SGSM3: variants seen among roughly 807,000 people sequenced by gnomAD.
SGSM3 encodes RUN and SH3 containing 3.
Under a neutral mutation model 100.5 loss-of-function variants are expected in SGSM3, and 96 were observed. The observed-to-expected ratio is 0.96, with a 90% CI of 0.81 to 1.13. The LOEUF (loss-of-function observed/expected upper bound fraction) is 1.13. Among genes scored for constraint, SGSM3 ranks in the 50% most tolerant of loss-of-function variants. SGSM3 has a pLI of 0.00. For missense variants in SGSM3, 1,001 were observed against 1,015.8 expected, an observed-to-expected ratio of 0.99 and a Z score of 0.20; for synonymous variants, 483 against 422.8, an observed-to-expected ratio of 1.14 and a Z score of -1.75.
At chr22:40,372,841 AC>A (rs1410394113) in intron 1 of SGSM3, 1 of 152,206 alleles carries the variant, frequency 6.6e-6, no homozygotes, top group African/African-American at 2.4e-5. Context: ...AAAATCTTGT[AC>A]ATTTGATAAT....
rs1025881724 is a variant in SGSM3, at chr22:40,407,729, G to A, written c.1525-60G>A. ...GTTGCTGAGGAGTCATATCGGGGGT[G>A]CAGGAGGCGCTGGCCCAGGGCACCC... On this transcript the variant is annotated intron_variant, in intron 13 of 21. Transcript: ENST00000248929. This position sits in a 1 kb window ranked among gnomAD's most constrained non-coding sequence, Gnocchi z 4.7. The A allele has an allele frequency of 1.6e-5, 25 of 1,596,686 alleles. No individual in the cohort carries two copies. Among genetic ancestry groups the A allele is most frequent in the African/African-American group, 1.1e-4 (8 of 74,586 alleles).
intron 3 of SGSM3, 110 bp downstream of exon 3, chr22:40,401,785 G>A: frequency 1.2e-6 from 1 of 854,918 alleles, no homozygotes. Context: ...ACAGGGTTAT[G>A]AGTTCCCCAC....
At chr22:40,392,215 G>GT (rs1004863104) in intron 1 of SGSM3, among the ~76,000 whole-genome samples, 589 of 146,510 alleles carry the variant, frequency 4.0e-3, no homozygotes, top group Non-Finnish European at 5.2e-3. Flanking sequence ...AGTATTGTCA[G>GT]TTTTTTTTTT....
intron 1 of SGSM3, among the ~76,000 whole-genome samples, chr22:40,383,794 T>G (rs1289851556): frequency 2.6e-5 from 4 of 152,192 alleles, no homozygotes; most frequent in African/African-American, 9.6e-5. Flanking sequence ...ATAAACGGAA[T>G]GATAATCTGG....
chr22:40,384,649 G>T (rs2003667), intron 1 of SGSM3, among the ~76,000 whole-genome samples: 1 of 151,696 alleles, frequency 6.6e-6, no homozygotes, highest in East Asian at 2.0e-4. Flanking sequence ...GCATGGTGGC[G>T]GGCGCCTGTA....
chr22:40,373,988 G>T (rs922676368), intron 1 of SGSM3, among the ~76,000 whole-genome samples: 1 of 148,914 alleles, frequency 6.7e-6, no homozygotes, highest in Non-Finnish European at 1.5e-5. Context: ...TCCCTCTGTC[G>T]CCCAGGCTTG....
Position 40,405,177 on chromosome 22 carries a change from G to T in SGSM3, c.511G>T (p.Ala171Ser). The change falls in exon 7 of 22, where the codon GCC (alanine) becomes TCC (serine). Residue 171 changes from alanine to serine, a missense_variant. Transcript: ENST00000248929. ...KDLLRTMPSN[A>S]CFASMGSIGV... ...CCTGCTCCGCACCATGCCCAGCAACGCCTGCTTCGCCAGCATGGGTAGCAT... is the reference window on the plus strand; with the variant it reads ...CCTGCTCCGCACCATGCCCAGCAACTCCTGCTTCGCCAGCATGGGTAGCAT... 1 of 1,571,728 alleles carries T rather than the reference G, an allele frequency of 6.4e-7. No individual in the cohort carries two copies. Among genetic ancestry groups the T allele is most frequent in the Non-Finnish European group, 8.6e-7 (1 of 1,157,958 alleles).
At chr22:40,390,454 T>C (rs562305414) in intron 1 of SGSM3, 5 of 152,356 alleles carry the variant, frequency 3.3e-5, no homozygotes, top group African/African-American at 1.2e-4. Context: ...AACAGTCCTG[T>C]ATCAGTGGGT....
In SGSM3 at chr22:40,410,247, T is replaced by G; in HGVS notation, c.*488T>G. The G allele has an allele frequency of 1.1e-6, 1 of 937,304 alleles. No homozygotes were observed. Among genetic ancestry groups the G allele is most frequent in the African/African-American group, 1.7e-5 (1 of 58,106 alleles). The allele number at this position is 937,304 out of a possible 1,614,324, so 58.1% of individuals were successfully genotyped here. On this transcript the variant is annotated 3_prime_UTR_variant, in exon 22 of 22. Transcript: ENST00000248929. ...CAACAGACCCGGGACCCAGCTGTGC[T>G]ACCCACCCCTTCCATGGACTGAATA...
chr22:40,376,239 G>A (rs28594993), intron 1 of SGSM3: 3 of 121,220 alleles, frequency 2.5e-5, no homozygotes, highest in African/African-American at 9.6e-5. Flanking sequence ...GGTAGTCGGA[G>A]CACCAACAAT....
At chr22:40,403,858 A>G (rs1211014723) in intron 4 of SGSM3, among the ~76,000 whole-genome samples, 1 of 152,156 alleles carries the variant, frequency 6.6e-6, no homozygotes, top group Non-Finnish European at 1.5e-5. Context: ...GGCTTGGACA[A>G]GGGCCATGGT....
intron 1 of SGSM3, among the ~76,000 whole-genome samples, chr22:40,371,631 G>T: frequency 6.6e-6 from 1 of 151,848 alleles, no homozygotes; most frequent in African/African-American, 2.4e-5. Context: ...CTAAACAGTT[G>T]AATTACATCT....
At position 40,401,672 on chromosome 22, in the gene SGSM3, G is replaced by C; in HGVS notation, c.87G>C (p.Thr29=). The C allele has an allele frequency of 6.2e-7, 1 of 1,611,976 alleles. No homozygotes were observed. Among genetic ancestry groups the C allele is most frequent in the South Asian group, 1.1e-5 (1 of 91,046 alleles). ...IWPQEILAKY[T]QKEESAEQPE... The stretch of plus-strand genomic sequence containing the variant: ...CCCAGGAGATCTTGGCCAAGTACAC[G>C]CAGGTATAGCAGTTAGCCAGGCACC... The change falls in exon 3 of 22, where the codon ACG becomes ACC. Residue 29 remains threonine, a synonymous_variant. Coordinates refer to ENST00000248929, the MANE Select transcript of SGSM3 (RefSeq NM_015705.6).
chr22:40,378,432 TAAAA>T (rs1466921647), intron 1 of SGSM3, among the ~76,000 whole-genome samples: 1 of 148,152 alleles, frequency 6.7e-6, no homozygotes. Context: ...CTGTGTATAT[TAAAA>T]ATAATAATAT....
chr22:40,382,345 A>G (rs1235758847), intron 1 of SGSM3, among the ~76,000 whole-genome samples: 1 of 152,076 alleles, frequency 6.6e-6, no homozygotes, highest in Non-Finnish European at 1.5e-5. Context: ...GGTTGTTGGT[A>G]GGTAGTTTTT....
intron 1 of SGSM3, among the ~76,000 whole-genome samples, chr22:40,380,173 A>T (rs1438060706): frequency 6.6e-6 from 1 of 152,196 alleles, no homozygotes; most frequent in East Asian, 1.9e-4. Flanking sequence ...AACTTTATAC[A>T]GTGCTGGAAA....
intron 1 of SGSM3, among the ~76,000 whole-genome samples, chr22:40,392,326 A>G (rs2049463874): frequency 6.7e-6 from 1 of 149,634 alleles, no homozygotes; most frequent in African/African-American, 2.5e-5. Context: ...TCAGCAGCTT[A>G]GGAAGTTCCT....
At chr22:40,392,192 AC>A (rs1488894746) in intron 1 of SGSM3, among the ~76,000 whole-genome samples, 1 of 152,008 alleles carries the variant, frequency 6.6e-6, no homozygotes, top group Non-Finnish European at 1.5e-5. Flanking sequence ...TGGGTTGGAA[AC>A]CTGAGTTTCA....
In SGSM3 at chr22:40,409,391, T is replaced by C. The variant is rs374353050; in HGVS notation, c.2111+19T>C. ...AGCTCCGGTGAGGACCTTACTGGGC[T>C]TGGGGGATGGAGGTGGGGTGGGAAG... On this transcript the variant is annotated intron_variant, in intron 20 of 21. Transcript: ENST00000248929. The C allele has an allele frequency of 6.3e-7, 1 of 1,583,854 alleles. No individual in the cohort carries two copies. Among genetic ancestry groups the C allele is most frequent in the Non-Finnish European group, 8.6e-7 (1 of 1,162,460 alleles).
Sources: gnomAD v4.1 joint callset for allele counts (sites outside exome capture counted in the v4.1 genomes callset) on GRCh38, gnomAD v4.1.1 for gene constraint, Gnocchi (gnomAD v3.1) non-coding constraint, MANE v1.5 for transcripts, NCBI Gene and HGNC (gene_info 2026-07-23, HGNC 2026-07-21) for gene names.